The following ELAVL4 variants were observed in gnomAD, a reference collection of about 807,000 sequenced individuals.
ELAVL4 encodes the protein ELAV like RNA binding protein 4.
In ELAVL4, 1 loss-of-function variant was observed where a neutral mutation model predicts 35.6. The observed-to-expected ratio is 0.03, with a 90% confidence interval of 0.01 to 0.13. ELAVL4 has a LOEUF of 0.13. ELAVL4 is among the 10% of genes least tolerant of loss of function. The pLI is 1.00. For missense variants in ELAVL4, 267 were observed against 464.9 expected (o/e 0.57, Z 3.91); for synonymous variants, 156 against 171.0 (o/e 0.91, Z 0.69).
intron 1 of ELAVL4, among the ~76,000 whole-genome samples, chr1:50,069,071 A>G (rs187379839): frequency 1.8e-4 from 27 of 152,326 alleles, no homozygotes; most frequent in African/African-American, 6.5e-4. Context: ...TGCTCTTTCT[A>G]CTACATCCTG....
intron 1 of ELAVL4, among the ~76,000 whole-genome samples, chr1:50,118,111 G>C (rs886495135): frequency 2.6e-5 from 4 of 152,052 alleles, no homozygotes; most frequent in African/African-American, 9.7e-5. Flanking sequence ...ATAAAAATAG[G>C]CTGAGCTTAA....
At chr1:50,048,299 G>A (rs2148465203) in intron 1 of ELAVL4, 3 of 1,290,388 alleles carry the variant, frequency 2.3e-6, no homozygotes, top group East Asian at 3.1e-5. Context: ...TGGCCACCCC[G>A]ACTCCCAGGG....
upstream of ELAVL4, among the ~76,000 whole-genome samples, chr1:50,104,325 A>G (rs573127305): frequency 8.5e-5 from 13 of 152,240 alleles, no homozygotes; most frequent in Non-Finnish European, 1.8e-4. Context: ...TTACATTTTA[A>G]TGTTTGAAGA....
chr1:50,059,454 A>G (rs983018757), intron 1 of ELAVL4, among the ~76,000 whole-genome samples: 2 of 152,158 alleles, frequency 1.3e-5, no homozygotes, highest in Admixed American at 1.3e-4. Context: ...GCAAACACAT[A>G]AAAAGATGTT....
chr1:50,120,620 C>A (rs973880583), intron 1 of ELAVL4, among the ~76,000 whole-genome samples: 1 of 151,872 alleles, frequency 6.6e-6, no homozygotes, highest in African/African-American at 2.4e-5. Context: ...TTGAAGTCAC[C>A]CTAAAGATAC....
intron 1 of ELAVL4, among the ~76,000 whole-genome samples, chr1:50,139,746 G>A (rs1034672349): frequency 1.2e-4 from 19 of 152,180 alleles, no homozygotes; most frequent in Admixed American, 9.8e-4. Flanking sequence ...GCAGGAGGCT[G>A]GCTGAGCCTC....
At chr1:50,086,623 C>A (rs1665258761) in intron 1 of ELAVL4, among the ~76,000 whole-genome samples, 2 of 151,990 alleles carry the variant, frequency 1.3e-5, no homozygotes, top group South Asian at 4.2e-4. Context: ...CAGTGACTCT[C>A]TGCAATGGAA....
At chr1:50,159,386 T>A (rs1325799829) in intron 2 of ELAVL4, among the ~76,000 whole-genome samples, 7 of 152,030 alleles carry the variant, frequency 4.6e-5, no homozygotes, top group African/African-American at 1.7e-4. Flanking sequence ...GGCAGGCGGA[T>A]CACTTGAGGT....
chr1:50,056,801 G>A (rs546766757), intron 1 of ELAVL4, among the ~76,000 whole-genome samples: 1 of 151,914 alleles, frequency 6.6e-6, no homozygotes, highest in Non-Finnish European at 1.5e-5. Flanking sequence ...ACATGGTGGC[G>A]GGCGCCTCTA....
At chr1:50,149,741 A>C (rs2148709506) in intron 2 of ELAVL4, among the ~76,000 whole-genome samples, 1 of 151,966 alleles carries the variant, frequency 6.6e-6, no homozygotes, top group East Asian at 2.0e-4. Context: ...ACAGGGTTTC[A>C]CCATATTGGC....
intron 2 of ELAVL4, among the ~76,000 whole-genome samples, chr1:50,173,953 G>A (rs572262455): frequency 6.6e-6 from 1 of 152,218 alleles, no homozygotes; most frequent in South Asian, 2.1e-4. Context: ...ATTTCTCTTG[G>A]TCCCCATAGA....
At chr1:50,199,751 G>T (rs1276559778) in intron 6 of ELAVL4, among the ~76,000 whole-genome samples, 2 of 151,600 alleles carry the variant, frequency 1.3e-5, no homozygotes, top group Non-Finnish European at 2.9e-5. Flanking sequence ...AAAGAAAAAA[G>T]TCCCTATGTA....
chr1:50,059,752 T>C (rs1486502510), intron 1 of ELAVL4, among the ~76,000 whole-genome samples: 1 of 151,744 alleles, frequency 6.6e-6, no homozygotes, highest in Admixed American at 6.6e-5. Flanking sequence ...TTGTTTTATA[T>C]AATGCAGTGG....
chr1:50,069,218 C>T (rs1241127239), intron 1 of ELAVL4, among the ~76,000 whole-genome samples: 1 of 152,180 alleles, frequency 6.6e-6, no homozygotes, highest in Non-Finnish European at 1.5e-5. Context: ...GACCTAGCCA[C>T]TGTGGTGACA....
At chr1:50,104,319 A>T (rs1307127430), upstream of ELAVL4, among the ~76,000 whole-genome samples, 1 of 152,230 alleles carries the variant, frequency 6.6e-6, no homozygotes, top group Non-Finnish European at 1.5e-5. Flanking sequence ...GGCTGATTAC[A>T]TTTTAATGTT....
upstream of ELAVL4, chr1:50,106,057 G>A: frequency 2.5e-6 from 1 of 395,486 alleles, no homozygotes; most frequent in Non-Finnish European, 4.5e-6. Context: ...TGGAAGTCAA[G>A]GAAATACAAT....
intron 1 of ELAVL4, among the ~76,000 whole-genome samples, chr1:50,123,497 A>G (rs954441312): frequency 1.6e-4 from 25 of 152,050 alleles, no homozygotes; most frequent in African/African-American, 5.8e-4. Flanking sequence ...AAAATAATGT[A>G]TTTTTTCACT....
intron 1 of ELAVL4, among the ~76,000 whole-genome samples, chr1:50,067,985 C>T (rs544457851): frequency 2.0e-5 from 3 of 152,070 alleles, no homozygotes; most frequent in Non-Finnish European, 2.9e-5. Context: ...TACCTCCCAC[C>T]GGGTCTCTCC....
chr1:50,143,865 G>C (rs1359973378), intron 1 of ELAVL4, among the ~76,000 whole-genome samples: 3 of 152,076 alleles, frequency 2.0e-5, no homozygotes, highest in Non-Finnish European at 4.4e-5. Flanking sequence ...TGTGAGTGTT[G>C]AGCTAGATTT....
Sources: gnomAD v4.1 joint callset for allele counts (sites outside exome capture counted in the v4.1 genomes callset) on GRCh38, gnomAD v4.1.1 for gene constraint, MANE v1.5 for transcripts, NCBI Gene and HGNC (gene_info 2026-07-23, HGNC 2026-07-21) for gene names.